MGAT4C: variants seen among roughly 807,000 people sequenced by gnomAD.
MGAT4C encodes the protein MGAT4 family member C, also known as alpha-1,3-mannosyl-glycoprotein 4-beta-N-acetylglucosaminyltransferase C.
Under a neutral mutation model 40.1 loss-of-function variants are expected in MGAT4C, and 19 were observed. The ratio of observed to expected loss-of-function variants is 0.47; its 90% confidence interval spans 0.33 to 0.70. The LOEUF (loss-of-function observed/expected upper bound fraction) is 0.70, where lower values mean the gene tolerates loss of function less well. Among genes scored for constraint, MGAT4C ranks in the 30% least tolerant of loss-of-function variants. The pLI is 0.02. For synonymous variants in MGAT4C, 181 were observed against 187.1 expected (o/e 0.97, Z 0.27); for missense variants, 491 against 563.2 (o/e 0.87, Z 1.30).
At chr12:86,464,119 T>C (rs146051744) in intron 2 of MGAT4C, among the ~76,000 whole-genome samples, 35 of 152,292 alleles carry the variant, frequency 2.3e-4, no homozygotes, top group African/African-American at 6.5e-4. Flanking sequence ...TACTGTAAGA[T>C]AGTACTTCGT....
At chr12:86,673,451 GCA>G (rs1168452454) in intron 2 of MGAT4C, among the ~76,000 whole-genome samples, 1 of 151,538 alleles carries the variant, frequency 6.6e-6, no homozygotes, top group Non-Finnish European at 1.5e-5. Flanking sequence ...ATGCGCAAGC[GCA>G]CACACACACA....
At chr12:86,478,153 G>C (rs1462522911) in intron 2 of MGAT4C, among the ~76,000 whole-genome samples, 1 of 152,120 alleles carries the variant, frequency 6.6e-6, no homozygotes. Flanking sequence ...CACTGAGGTG[G>C]ATGCCTAAAT....
chr12:86,002,399 A>G (rs1210555937), intron 2 of MGAT4C: 1 of 152,122 alleles, frequency 6.6e-6, no homozygotes, highest in Admixed American at 6.5e-5. Flanking sequence ...TTCTCCACAA[A>G]TATTGGCTAA....
chr12:86,744,686 G>A (rs1951125621), intron 1 of MGAT4C, among the ~76,000 whole-genome samples: 1 of 151,372 alleles, frequency 6.6e-6, no homozygotes, highest in Admixed American at 6.6e-5. Context: ...TGAAATCCAG[G>A]ACATTCTTAG....
intron 2 of MGAT4C, among the ~76,000 whole-genome samples, chr12:86,467,775 T>C (rs1224627814): frequency 1.3e-5 from 2 of 152,128 alleles, no homozygotes; most frequent in Non-Finnish European, 2.9e-5. Flanking sequence ...TTTTACTCTC[T>C]TTAGATAATG....
At chr12:86,042,035 T>C (rs1891903912) in intron 2 of MGAT4C, among the ~76,000 whole-genome samples, 1 of 152,232 alleles carries the variant, frequency 6.6e-6, no homozygotes, top group South Asian at 2.1e-4. Flanking sequence ...TTAGGTCTTC[T>C]GTTGAATTGA....
chr12:86,587,411 G>T (rs1961100585), intron 2 of MGAT4C, among the ~76,000 whole-genome samples: 1 of 152,030 alleles, frequency 6.6e-6, no homozygotes, highest in East Asian at 1.9e-4. Flanking sequence ...TGTTCTTTTG[G>T]CTTAGGATTG....
intron 1 of MGAT4C, among the ~76,000 whole-genome samples, chr12:86,185,057 C>T (rs1187654303): frequency 2.0e-5 from 3 of 152,150 alleles, no homozygotes; most frequent in Non-Finnish European, 4.4e-5. Context: ...TTCCCCTGCT[C>T]AGCTCATTGG....
At chr12:86,645,801 A>T (rs990332730) in intron 2 of MGAT4C, among the ~76,000 whole-genome samples, 3 of 151,816 alleles carry the variant, frequency 2.0e-5, no homozygotes, top group African/African-American at 7.2e-5. Context: ...CCAGGAAATT[A>T]AAAACAGCAT....
At chr12:86,260,650 T>C (rs1251889252), upstream of MGAT4C, among the ~76,000 whole-genome samples, 1 of 152,084 alleles carries the variant, frequency 6.6e-6, no homozygotes, top group Admixed American at 6.6e-5. Flanking sequence ...GATCAGAGCA[T>C]AGAGTGTAAG....
At chr12:86,306,172 G>T (rs1018528842) in intron 4 of MGAT4C, among the ~76,000 whole-genome samples, 3 of 150,194 alleles carry the variant, frequency 2.0e-5, no homozygotes, top group Admixed American at 6.6e-5. Flanking sequence ...TAAACCTCAA[G>T]ATTCACCTCT....
chr12:86,710,417 T>C (rs1022216885), intron 2 of MGAT4C, among the ~76,000 whole-genome samples: 31 of 152,226 alleles, frequency 2.0e-4, no homozygotes, highest in African/African-American at 7.5e-4. Flanking sequence ...CTTAAGTGCA[T>C]GTTTGACTTA....
intron 2 of MGAT4C, among the ~76,000 whole-genome samples, chr12:86,572,521 C>T (rs917445800): frequency 1.3e-5 from 2 of 152,046 alleles, no homozygotes; most frequent in African/African-American, 4.8e-5. Context: ...ATCATGTCTG[C>T]CTATCTTTGT....
At chr12:86,284,483 T>C (rs1209778516) in intron 4 of MGAT4C, among the ~76,000 whole-genome samples, 1 of 151,828 alleles carries the variant, frequency 6.6e-6, no homozygotes, top group Non-Finnish European at 1.5e-5. Context: ...TCTGAAAAAA[T>C]CTGCCAAAAA....
At chr12:86,034,236 G>A (rs533146844) in intron 2 of MGAT4C, among the ~76,000 whole-genome samples, 1 of 149,710 alleles carries the variant, frequency 6.7e-6, no homozygotes, top group East Asian at 1.9e-4. Context: ...GTCTCTGCCA[G>A]GTTTCAGTAT....
intron 2 of MGAT4C, among the ~76,000 whole-genome samples, chr12:86,599,815 A>G (rs1339867816): frequency 6.6e-6 from 1 of 152,178 alleles, no homozygotes; most frequent in Non-Finnish European, 1.5e-5. Flanking sequence ...AAAAGTGTAT[A>G]GTTTTACATA....
intron 4 of MGAT4C, among the ~76,000 whole-genome samples, chr12:86,268,409 T>C (rs1157633586): frequency 1.3e-5 from 2 of 152,062 alleles, no homozygotes; most frequent in East Asian, 1.9e-4. Context: ...TTTGCTCATA[T>C]AGATTTAAAA....
intron 1 of MGAT4C, among the ~76,000 whole-genome samples, chr12:86,776,070 T>A (rs1269907287): frequency 6.6e-6 from 1 of 151,820 alleles, no homozygotes; most frequent in Non-Finnish European, 1.5e-5. Flanking sequence ...ACTAAAGTGG[T>A]GAGAGTGAGA....
intron 1 of MGAT4C, among the ~76,000 whole-genome samples, chr12:86,216,357 G>A (rs1950670817): frequency 6.6e-6 from 1 of 152,088 alleles, no homozygotes; most frequent in Non-Finnish European, 1.5e-5. Context: ...CACATCAAAA[G>A]CTTCCCTACA....
Sources: allele counts gnomAD v4.1 joint callset (sites outside exome capture counted in the v4.1 genomes callset), GRCh38; gene constraint gnomAD v4.1.1; transcripts MANE v1.5; gene names NCBI Gene and HGNC (gene_info 2026-07-23, HGNC 2026-07-21).